The following KCNQ3 variants were observed in gnomAD, a reference collection of about 807,000 sequenced individuals.
KCNQ3 encodes potassium voltage-gated channel subfamily Q member 3.
In KCNQ3, 30 loss-of-function variants were observed where a neutral mutation model predicts 92.5. The observed-to-expected ratio is 0.32, with a 90% CI of 0.24 to 0.44. The LOEUF (loss-of-function observed/expected upper bound fraction) is 0.44, where lower values mean the gene tolerates loss of function less well. Among genes scored for constraint, KCNQ3 ranks in the 20% least tolerant of loss-of-function variants. The pLI is 1.00. For synonymous variants in KCNQ3, 450 were observed against 468.8 expected (o/e 0.96, Z 0.52); for missense variants, 913 against 1,140.3 (o/e 0.80, Z 2.87).
At position 132,156,621 on chromosome 8, in the gene KCNQ3, C is replaced by G. The variant is rs78844383; in HGVS notation, c.1262+6847G>C. 1.9e-3 allele frequency among the ~76,000 whole-genome samples: 293 copies of G among 152,240 alleles called. 4 individuals carry two copies. The highest frequency in any genetic ancestry group is 0.018 in the East Asian group (94 of 5,162). ...ATCTAAATCTTTCATAAATATCTAT[C>G]TCAAAGTCATGTATCCTGGATCTGC... On this transcript the variant is annotated intron_variant, in intron 9 of 14. Transcript: ENST00000388996.
intron 1 of KCNQ3, among the ~76,000 whole-genome samples, chr8:132,400,454 G>A (rs187287393): frequency 3.5e-4 from 54 of 152,314 alleles, no homozygotes; most frequent in African/African-American, 1.1e-3. Context: ...TCAACAGCAC[G>A]GCTGTGAGTG....
At chr8:132,397,671 T>G (rs1022525020) in intron 1 of KCNQ3, among the ~76,000 whole-genome samples, 1 of 152,106 alleles carries the variant, frequency 6.6e-6, no homozygotes, top group Non-Finnish European at 1.5e-5. Context: ...CAGAGGAGAT[T>G]TAAGGAATTT....
chr8:132,155,663 G>A (rs1030807214), intron 9 of KCNQ3, among the ~76,000 whole-genome samples: 1 of 152,146 alleles, frequency 6.6e-6, no homozygotes, highest in Non-Finnish European at 1.5e-5. Flanking sequence ...AACGTCTAAC[G>A]TGGCAAAACA....
At chr8:132,298,664 T>C (rs1817121747) in intron 1 of KCNQ3, among the ~76,000 whole-genome samples, 1 of 152,168 alleles carries the variant, frequency 6.6e-6, no homozygotes, top group South Asian at 2.1e-4. Context: ...TCCCAGCACT[T>C]TGGGAGGCCA....
At chr8:132,372,397 T>C (rs543117143) in intron 1 of KCNQ3, among the ~76,000 whole-genome samples, 11 of 152,232 alleles carry the variant, frequency 7.2e-5, no homozygotes, top group Admixed American at 2.0e-4. Context: ...GCTTCTCATC[T>C]GTAAAATGGA....
rs869112851 is a variant in KCNQ3, at chr8:132,154,193, G to GTTT, written c.1262+9272_1262+9274dup. Among the ~76,000 whole-genome samples the GTTT allele has an allele frequency of 3.1e-3, 84 of 27,478 alleles. 6 individuals carry two copies. The East Asian group carries it at 0.062, about 20-fold the overall frequency. 18.0% of individuals were successfully genotyped at this position (27,478 alleles called of 152,430 possible). A position where few individuals can be genotyped will look rare whatever the true frequency, so the allele number is the denominator to read the frequency against. On this transcript the variant is annotated intron_variant, in intron 9 of 14. Coordinates refer to ENST00000388996, the MANE Select transcript of KCNQ3 (RefSeq NM_004519.4). ...CTGATGTACCATCAAAAGGGTAAAA[G>GTTT]TTTTTTTTTTTTTTTTTTTTTTTTT...
chr8:132,193,532 C>T (rs78190692), intron 1 of KCNQ3, among the ~76,000 whole-genome samples: 3,179 of 152,244 alleles, frequency 0.021, 121 homozygotes, highest in African/African-American at 0.073. Flanking sequence ...AAAACCCTGC[C>T]GCCTCTTCTC....
chr8:132,432,229 G>A (rs1411415206), intron 1 of KCNQ3, among the ~76,000 whole-genome samples: 9 of 152,210 alleles, frequency 5.9e-5, no homozygotes, highest in East Asian at 5.8e-4. Flanking sequence ...CTCAGTGCAC[G>A]TTTGCAGAGT....
At chr8:132,327,096 A>G (rs1211407031) in intron 1 of KCNQ3, among the ~76,000 whole-genome samples, 1 of 152,214 alleles carries the variant, frequency 6.6e-6, no homozygotes, top group Non-Finnish European at 1.5e-5. Context: ...TAAAAAGTCA[A>G]TAAATAGTTG....
At chr8:132,241,521 C>T (rs78602332) in intron 1 of KCNQ3, among the ~76,000 whole-genome samples, 14,512 of 151,922 alleles carry the variant, frequency 0.096, 751 homozygotes, top group Admixed American at 0.15. Context: ...TTATCTATTG[C>T]CTACTTTCGT....
At chr8:132,149,360 C>G (rs747893) in intron 9 of KCNQ3, among the ~76,000 whole-genome samples, 63,136 of 152,058 alleles carry the variant, frequency 0.42, 13,387 homozygotes, top group East Asian at 0.49. Flanking sequence ...TAATAGGAAC[C>G]CTTCTCGCTT....
At chr8:132,178,530 A>G (rs1435780290) in intron 4 of KCNQ3, among the ~76,000 whole-genome samples, 2 of 152,196 alleles carry the variant, frequency 1.3e-5, no homozygotes, top group Non-Finnish European at 2.9e-5. Flanking sequence ...ATGAGCACCC[A>G]GGAGGATTCA....
chr8:132,415,002 C>A (rs1820758407), intron 1 of KCNQ3, among the ~76,000 whole-genome samples: 1 of 152,210 alleles, frequency 6.6e-6, no homozygotes, highest in Non-Finnish European at 1.5e-5. Context: ...GTTAGAGACA[C>A]TTGGCAGTTA....
At chr8:132,189,439 A>G (rs1827089440) in intron 1 of KCNQ3, among the ~76,000 whole-genome samples, 1 of 152,254 alleles carries the variant, frequency 6.6e-6, no homozygotes, top group Non-Finnish European at 1.5e-5. Context: ...AAGGGAAGGA[A>G]CTGCCTTTGC....
At position 132,391,466 on chromosome 8, in the gene KCNQ3, T is replaced by C. The variant is rs181924287; in HGVS notation, c.386+88681A>G. On this transcript the variant is annotated intron_variant, in intron 1 of 14. Coordinates refer to ENST00000388996, the MANE Select transcript of KCNQ3 (RefSeq NM_004519.4). Reference sequence around the variant, plus strand: ...ACACAATATGTGCCCAGCTAACAAATGCTTTACGCCTCTGCACCCAGCAGG... The same window carrying C: ...ACACAATATGTGCCCAGCTAACAAACGCTTTACGCCTCTGCACCCAGCAGG... 9.2e-5 allele frequency among the ~76,000 whole-genome samples: 14 copies of C among 151,598 alleles called. No individual in the cohort carries two copies. The East Asian group carries it at 2.6e-3, about 28-fold the overall frequency.
rs1256982916 is a variant in KCNQ3, at chr8:132,129,027, C to A, written c.*235G>T. 3 of 577,378 alleles carry A rather than the reference C, an allele frequency of 5.2e-6. No homozygotes were observed. Among genetic ancestry groups the A allele is most frequent in the Admixed American group, 6.0e-5 (2 of 33,102 alleles). 35.8% of individuals were successfully genotyped at this position (577,378 alleles called of 1,614,324 possible). On this transcript the variant is annotated 3_prime_UTR_variant, in exon 15 of 15. Transcript: ENST00000388996. This position sits in a 1 kb window ranked among gnomAD's most constrained non-coding sequence, Gnocchi z 5.9. ...AAATGTGTATCCTAGAAGAGATTAG[C>A]GGAACCATTTATATAGTGTAAAGTC... is the stretch of plus-strand genomic sequence containing the variant.
rs746209429 is a variant in KCNQ3 at position 132,480,139 on chromosome 8, G to A, written c.386+8C>T. 8.1e-6 allele frequency: 13 copies of A among 1,611,262 alleles called. No individual in the cohort carries two copies. The South Asian group carries it at 1.3e-4, about 16-fold the overall frequency. ...CGCCGAGGGCGCCCCGAGCGGCCGG[G>A]TACTCACACCAACGCGTGGTAAAGC... On this transcript the variant is annotated splice_region_variant and intron_variant, in intron 1 of 14. Coordinates refer to ENST00000388996, the MANE Select transcript of KCNQ3 (RefSeq NM_004519.4).
chr8:132,141,280 G>A lies in KCNQ3; in HGVS notation c.1314C>T (p.Ser438=). The A allele has an allele frequency of 6.2e-7, 1 of 1,614,140 alleles. No homozygotes were observed. The highest frequency in any genetic ancestry group is 8.5e-7 in the Non-Finnish European group (1 of 1,180,014). The change falls in exon 10 of 15, where the codon AGC becomes AGT. Residue 438 remains serine, a synonymous_variant. Coordinates refer to ENST00000388996, the MANE Select transcript of KCNQ3 (RefSeq NM_004519.4). ...GGGTAAATAGCTTTCCTTTAGTATT[G>A]CTACCACGAGGATTAGAAAGGCGAA... ...DRVRLSNPRG[S]NTKGKLFTPL... is the part of the protein sequence containing the mutation.
intron 1 of KCNQ3, among the ~76,000 whole-genome samples, chr8:132,198,666 G>A (rs186369512): frequency 1.3e-5 from 2 of 152,094 alleles, no homozygotes; most frequent in African/African-American, 2.4e-5. Context: ...AATTAGCTGG[G>A]CATGGTGGCG....
Sources: allele counts gnomAD v4.1 joint callset (sites outside exome capture counted in the v4.1 genomes callset), GRCh38; gene constraint gnomAD v4.1.1; non-coding constraint Gnocchi (gnomAD v3.1); transcripts MANE v1.5; gene names NCBI Gene and HGNC (gene_info 2026-07-23, HGNC 2026-07-21).